CLIC5: variants seen among roughly 807,000 people sequenced by gnomAD.
The protein encoded by CLIC5 is CLIC family member 5.
CLIC5 carries 20 observed loss-of-function variants against 24.7 expected under a neutral mutation model. The ratio of observed to expected loss-of-function variants is 0.81; its 90% confidence interval spans 0.57 to 1.18. CLIC5 has a LOEUF of 1.18. Ranked by LOEUF, CLIC5 falls within the 50% of genes most tolerant of loss-of-function variation. The pLI, the probability that CLIC5 is intolerant of heterozygous loss-of-function variation, is 0.00. For missense variants in CLIC5, 341 were observed against 326.1 expected, an observed-to-expected ratio of 1.05 and a Z score of -0.35; for synonymous variants, 159 against 135.6, an observed-to-expected ratio of 1.17 and a Z score of -1.20.
chr6:46,117,321 A>G, the CLIC5 span, among the ~76,000 whole-genome samples: 1 of 152,204 alleles, frequency 6.6e-6, no homozygotes, highest in Non-Finnish European at 1.5e-5. Context: ...CTCAGACACC[A>G]CATAAGATTT....
Position 45,892,979 on chromosome 6 carries a change from T to C in CLIC5, c.624-11791A>G, listed in dbSNP as rs147428044. ...AGTCTCCAGTGGGCAGTTTACATTT[T>C]AACTGCTCCTTTCATTATCTTCCTC... On this transcript the variant is annotated intron_variant, in intron 6 of 6. Transcript: ENST00000644324. Among the ~76,000 whole-genome samples the C allele has an allele frequency of 2.2e-3, 337 of 152,318 alleles. No individual in the cohort carries two copies. The Middle Eastern group carries it at 0.037, about 17-fold the overall frequency.
intron 1 of CLIC5, among the ~76,000 whole-genome samples, chr6:46,053,895 A>G (rs772548384): frequency 1.3e-5 from 2 of 152,160 alleles, no homozygotes; most frequent in Non-Finnish European, 2.9e-5. Flanking sequence ...AGAACTAGAT[A>G]CCATATCATG....
intron 5 of CLIC5, chr6:45,912,097 T>C: frequency 4.1e-6 from 4 of 986,204 alleles, no homozygotes; most frequent in Non-Finnish European, 4.8e-6. Context: ...ATGTTCTGAA[T>C]TTGCTCTTTC....
intron 1 of CLIC5, among the ~76,000 whole-genome samples, chr6:46,062,260 TA>T (rs1762304253): frequency 6.6e-6 from 1 of 152,188 alleles, no homozygotes; most frequent in Non-Finnish European, 1.5e-5. Context: ...AAGAAGAATA[TA>T]ACAAAAATAC....
intron 1 of CLIC5, among the ~76,000 whole-genome samples, chr6:45,973,855 A>G (rs1489005864): frequency 1.3e-5 from 2 of 151,844 alleles, no homozygotes; most frequent in Non-Finnish European, 2.9e-5. Flanking sequence ...ACTTGAACCC[A>G]GGAGGCAGAG....
intron 1 of CLIC5, among the ~76,000 whole-genome samples, chr6:46,030,706 C>G (rs1317001356): frequency 6.6e-6 from 1 of 152,188 alleles, no homozygotes; most frequent in African/African-American, 2.4e-5. Flanking sequence ...CCTTGCTGTT[C>G]CAAACCTCCA....
At position 45,951,760 on chromosome 6, in the gene CLIC5, G is replaced by A. The variant is rs139642560; in HGVS notation, c.174-2379C>T. ...GAGTCGGGAGTGGAAAACATTAAAC[G>A]CAGAAACTGTAAAAAAAGTAAACAG... On this transcript the variant is annotated intron_variant, in intron 2 of 5. Transcript: ENST00000339561. Among the ~76,000 whole-genome samples the A allele has an allele frequency of 3.5e-4, 54 of 152,152 alleles. 1 individual carries two copies. The highest frequency in any genetic ancestry group is 7.7e-4 in the East Asian group (4 of 5,172).
downstream of CLIC5, among the ~76,000 whole-genome samples, chr6:45,897,489 G>T (rs1762409231): frequency 6.6e-6 from 1 of 152,146 alleles, no homozygotes; most frequent in African/African-American, 2.4e-5. Flanking sequence ...CTCTGCCTGT[G>T]GAAGATGGGA....
At chr6:46,020,932 C>A (rs1161553696) in intron 1 of CLIC5, among the ~76,000 whole-genome samples, 1 of 151,582 alleles carries the variant, frequency 6.6e-6, no homozygotes, top group Non-Finnish European at 1.5e-5. Flanking sequence ...GAAAGCCCTC[C>A]AAGAAAAGAA....
At chr6:45,927,259 C>T in intron 4 of CLIC5, among the ~76,000 whole-genome samples, 1 of 152,064 alleles carries the variant, frequency 6.6e-6, no homozygotes, top group Non-Finnish European at 1.5e-5. Context: ...GGAGGCACAC[C>T]CAGCATGCTT....
chr6:46,030,496 C>T (rs1767467220), intron 1 of CLIC5, among the ~76,000 whole-genome samples: 1 of 152,140 alleles, frequency 6.6e-6, no homozygotes, highest in South Asian at 2.1e-4. Flanking sequence ...CAGGACATGC[C>T]ATCTACAATT....
Position 45,902,965 on chromosome 6 carries a change from C to A in CLIC5, c.*123G>T. On this transcript the variant is annotated 3_prime_UTR_variant, in exon 6 of 6. Coordinates refer to ENST00000339561, the MANE Select transcript of CLIC5 (RefSeq NM_016929.5). ...CAGGCTGGAGTTCCCATGATACCAG[C>A]AAGATGAGGCTTGATTATAAAAAGT... 6 of 1,068,224 alleles carry A rather than the reference C, an allele frequency of 5.6e-6. No individual in the cohort carries two copies. The highest frequency in any genetic ancestry group is 8.3e-6 in the Non-Finnish European group (6 of 722,194). 66.2% of individuals were successfully genotyped at this position (1,068,224 alleles called of 1,614,324 possible). A position where few individuals can be genotyped will look rare whatever the true frequency, so the allele number is the denominator to read the frequency against.
chr6:46,003,674 C>A (rs920169245), intron 1 of CLIC5, among the ~76,000 whole-genome samples: 23 of 152,170 alleles, frequency 1.5e-4, no homozygotes, highest in Admixed American at 2.0e-4. Flanking sequence ...CCCATGGGGC[C>A]TGGTTAGGTT....
chr6:45,896,086 G>C (rs1381992681), downstream of CLIC5, among the ~76,000 whole-genome samples: 4 of 152,174 alleles, frequency 2.6e-5, no homozygotes, highest in Non-Finnish European at 5.9e-5. Context: ...GGGCCTCAGG[G>C]TCATGTTTAT....
chr6:45,918,012 C>G (rs985567449), intron 4 of CLIC5, among the ~76,000 whole-genome samples: 1 of 152,176 alleles, frequency 6.6e-6, no homozygotes, highest in East Asian at 1.9e-4. Context: ...CACTAACATC[C>G]CAGGGACTTG....
rs772355734 is a variant in CLIC5 at position 45,949,255 on chromosome 6, C to T, written c.299+1G>A. The T allele has an allele frequency of 1.7e-5, 27 of 1,612,656 alleles. No individual in the cohort carries two copies. The highest frequency in any genetic ancestry group is 1.6e-4 in the Middle Eastern group (1 of 6,066). On this transcript the variant is annotated splice_donor_variant, in intron 3 of 5. Coordinates refer to ENST00000339561, the MANE Select transcript of CLIC5 (RefSeq NM_016929.5). LOFTEE classifies it high-confidence loss of function. ...AGCCCCAGAAAGAAACAGATCCTTACTTTTCAGGGGTCAAGGTCTCCTCCA... is the reference window on the plus strand; with the variant it reads ...AGCCCCAGAAAGAAACAGATCCTTATTTTTCAGGGGTCAAGGTCTCCTCCA...
At chr6:45,916,090 T>G (rs140287182) in intron 4 of CLIC5, among the ~76,000 whole-genome samples, 100 of 152,334 alleles carry the variant, frequency 6.6e-4, no homozygotes, top group Admixed American at 1.8e-3. Flanking sequence ...TTTTTGTCTT[T>G]TCATAGAAGG....
At chr6:46,124,582 T>A in the CLIC5 span, among the ~76,000 whole-genome samples, 2 of 152,210 alleles carry the variant, frequency 1.3e-5, no homozygotes, top group Non-Finnish European at 2.9e-5. Context: ...AAATGGGATC[T>A]AATTAAACTA....
chr6:45,940,287 C>T (rs2127365446), intron 4 of CLIC5, among the ~76,000 whole-genome samples: 1 of 152,330 alleles, frequency 6.6e-6, no homozygotes, highest in African/African-American at 2.4e-5. Flanking sequence ...TGCAGTTAAT[C>T]AGCTCTCCAG....
Sources: gnomAD v4.1 joint callset for allele counts (sites outside exome capture counted in the v4.1 genomes callset) on GRCh38, gnomAD v4.1.1 for gene constraint, MANE v1.5 for transcripts, NCBI Gene and HGNC (gene_info 2026-07-23, HGNC 2026-07-21) for gene names.